Variants in NFATC2 observed in about 807,000 individuals in gnomAD.
NFATC2 encodes the protein nuclear factor of activated T-cells, cytoplasmic 2.
A neutral mutation model predicts 87.3 loss-of-function variants in NFATC2; 22 were observed. That is an observed-to-expected ratio of 0.25 (90% CI 0.18 to 0.36). NFATC2 has a LOEUF of 0.36. NFATC2 is among the 10% of genes least tolerant of loss of function. NFATC2 has a pLI of 1.00. For missense variants in NFATC2, 1,149 were observed against 1,259.1 expected, an observed-to-expected ratio of 0.91 and a Z score of 1.32; for synonymous variants, 565 against 542.2, an observed-to-expected ratio of 1.04 and a Z score of -0.58.
upstream of NFATC2, among the ~76,000 whole-genome samples, chr20:51,545,996 G>A (rs979232827): frequency 1.3e-5 from 2 of 152,142 alleles, no homozygotes; most frequent in African/African-American, 2.4e-5. Flanking sequence ...TCCACCCTGA[G>A]GCTTACCCTG....
intron 6 of NFATC2, among the ~76,000 whole-genome samples, chr20:51,442,309 G>A (rs182526876): frequency 8.5e-5 from 13 of 152,296 alleles, no homozygotes; most frequent in Admixed American, 8.5e-4. Flanking sequence ...GCACGTGCCT[G>A]TAATTCCAGC....
chr20:51,478,353 A>G (rs969172934), intron 3 of NFATC2, among the ~76,000 whole-genome samples: 1 of 152,242 alleles, frequency 6.6e-6, no homozygotes, highest in African/African-American at 2.4e-5. Context: ...GGATTTATCA[A>G]GAGTTGGTAT....
At chr20:51,529,591 G>T (rs917618397) in intron 1 of NFATC2, among the ~76,000 whole-genome samples, 1 of 152,088 alleles carries the variant, frequency 6.6e-6, no homozygotes, top group Admixed American at 6.5e-5. Flanking sequence ...ATGCCCGCAC[G>T]GCACTGGGTG....
chr20:51,495,029 G>T (rs1243276627), intron 3 of NFATC2, among the ~76,000 whole-genome samples: 1 of 152,158 alleles, frequency 6.6e-6, no homozygotes, highest in South Asian at 2.1e-4. Context: ...TCCAGGTGGG[G>T]GCAAAGTAAG....
chr20:51,490,211 TATG>T (rs2075859024), intron 3 of NFATC2, among the ~76,000 whole-genome samples: 1 of 152,238 alleles, frequency 6.6e-6, no homozygotes, highest in African/African-American at 2.4e-5. Flanking sequence ...CAATCTTCAC[TATG>T]ATATCTATCA....
chr20:51,457,043 C>A (rs752481021), intron 5 of NFATC2, among the ~76,000 whole-genome samples: 1 of 152,262 alleles, frequency 6.6e-6, no homozygotes, highest in Non-Finnish European at 1.5e-5. Flanking sequence ...GCCCCAGGGG[C>A]TGCCGGCTAC....
rs774889366 is a variant in NFATC2, at chr20:51,432,712, G to C, written c.2077C>G (p.Leu693Val). The C allele has an allele frequency of 1.3e-6, 2 of 1,587,636 alleles. No individual in the cohort carries two copies. Among genetic ancestry groups the C allele is most frequent in the African/African-American group, 1.3e-5 (1 of 74,364 alleles). The change falls in exon 9 of 11, where the codon CTG (leucine) becomes GTG (valine). Residue 693 changes from leucine to valine, a missense_variant. By Grantham distance (32) the Leu-to-Val change is conservative (BLOSUM62 1). Coordinates refer to ENST00000371564, the MANE Select transcript of NFATC2 (RefSeq NM_012340.5). The surrounding 1 kb of genome is among the most constrained non-coding windows in gnomAD (Gnocchi z 4.6). ...TEPTDEYDPT[L>V]ICSPTHGGLG... is the part of the protein sequence containing the mutation. Reference sequence around the variant, plus strand: ...CCTCCATGGGTGGGGCTGCAGATCAGAGTGGGGTCATATTCATCCGTGGGC... The same window carrying C: ...CCTCCATGGGTGGGGCTGCAGATCACAGTGGGGTCATATTCATCCGTGGGC...
chr20:51,466,549 A>G (rs1196659212), intron 5 of NFATC2, among the ~76,000 whole-genome samples: 1 of 152,092 alleles, frequency 6.6e-6, no homozygotes, highest in Admixed American at 6.5e-5. Flanking sequence ...CAGGGAAAAC[A>G]ATGGAGCTGG....
intron 10 of NFATC2, among the ~76,000 whole-genome samples, chr20:51,396,614 C>G (rs1020440282): frequency 6.6e-6 from 1 of 152,198 alleles, no homozygotes; most frequent in Non-Finnish European, 1.5e-5. Context: ...AAAGACACTC[C>G]TCAAGCTTGG....
In NFATC2 at chr20:51,523,305, C is replaced by T. The variant is rs370205461; in HGVS notation, c.936G>A (p.Thr312=). The T allele has an allele frequency of 1.2e-5, 20 of 1,613,678 alleles. 1 individual carries two copies. The highest frequency in any genetic ancestry group is 4.5e-5 in the East Asian group (2 of 44,846). The part of the protein sequence containing the change: ...VIMDALNSLA[T]DSPCGIPPKM... ...TGGGGGGGATCCCACAAGGCGAGTC[C>T]GTGGCGAGGCTGTTCAGGGCATCCA... Residue 312 remains threonine (T), a synonymous_variant, in exon 2 of 11, where the codon ACG becomes ACA. Transcript: ENST00000371564. The surrounding 1 kb of genome is among the most constrained non-coding windows in gnomAD (Gnocchi z 6.9).
intron 1 of NFATC2, among the ~76,000 whole-genome samples, chr20:51,552,673 G>T (rs1543380): frequency 0.48 from 72,880 of 151,908 alleles, 18,017 homozygotes; most frequent in African/African-American, 0.6. Flanking sequence ...CAAATCAACG[G>T]GTGGACTGTA....
rs117178682 is a variant in NFATC2, at chr20:51,552,573, G to A, written c.70+9987C>T. ...CAAGAGGGGATTGCAGCAAAAGGCC[G>A]TTAGTTGAATATGCCACCCTCCCAC... On this transcript the variant is annotated intron_variant, in intron 1 of 10. Transcript: ENST00000414705. Among the ~76,000 whole-genome samples the A allele has an allele frequency of 1.1e-3, 164 of 152,240 alleles. 1 individual carries two copies. The East Asian group carries it at 0.015, about 14-fold the overall frequency.
intron 6 of NFATC2, among the ~76,000 whole-genome samples, chr20:51,450,582 A>C (rs1985641760): frequency 6.6e-6 from 1 of 152,222 alleles, no homozygotes; most frequent in Non-Finnish European, 1.5e-5. Flanking sequence ...CCAGGAAAGA[A>C]AGACTGTCAC....
chr20:51,517,762 C>A, intron 2 of NFATC2, among the ~76,000 whole-genome samples: 1 of 151,836 alleles, frequency 6.6e-6, no homozygotes, highest in East Asian at 1.9e-4. Context: ...ACTAAAAATA[C>A]AAAAATTAGC....
At chr20:51,402,843 C>A (rs1988191336) in intron 9 of NFATC2, among the ~76,000 whole-genome samples, 1 of 152,196 alleles carries the variant, frequency 6.6e-6, no homozygotes, top group Non-Finnish European at 1.5e-5. Flanking sequence ...GGAGAAGGGG[C>A]AAAACCCCTG....
chr20:51,427,817 C>T (rs906399420), intron 9 of NFATC2, among the ~76,000 whole-genome samples: 4 of 152,222 alleles, frequency 2.6e-5, no homozygotes. Flanking sequence ...CCAAACCAGG[C>T]AGCCACCCTC....
Position 51,524,662 on chromosome 20 carries a change from G to A in NFATC2, c.131-552C>T, listed in dbSNP as rs564671385. On this transcript the variant is annotated intron_variant, in intron 1 of 10. Coordinates refer to ENST00000371564, the MANE Select transcript of NFATC2 (RefSeq NM_012340.5). This position sits in a 1 kb window ranked among gnomAD's most constrained non-coding sequence, Gnocchi z 4.0. Reference sequence around the variant, plus strand: ...GACGCAGGACACAGAGGGAGGCTGCGCAGACTCTGCAGCCCACAGTGCCCT... The same window carrying A: ...GACGCAGGACACAGAGGGAGGCTGCACAGACTCTGCAGCCCACAGTGCCCT... Among the ~76,000 whole-genome samples the A allele has an allele frequency of 5.9e-4, 90 of 152,188 alleles. No individual in the cohort carries two copies. The highest frequency in any genetic ancestry group is 1.9e-3 in the East Asian group (10 of 5,174).
At chr20:51,479,401 C>T (rs531652580) in intron 3 of NFATC2, among the ~76,000 whole-genome samples, 135 of 150,914 alleles carry the variant, frequency 8.9e-4, no homozygotes, top group African/African-American at 2.5e-3. Context: ...GTAGATCTCT[C>T]GAGCCCAGAA....
intron 6 of NFATC2, among the ~76,000 whole-genome samples, chr20:51,436,281 G>A (rs951211907): frequency 6.6e-6 from 1 of 151,598 alleles, no homozygotes; most frequent in African/African-American, 2.4e-5. Context: ...ATAAAATAAT[G>A]TTGACAGCCA....
Sources: allele counts gnomAD v4.1 joint callset (sites outside exome capture counted in the v4.1 genomes callset), GRCh38; gene constraint gnomAD v4.1.1; non-coding constraint Gnocchi (gnomAD v3.1); transcripts MANE v1.5; gene names NCBI Gene and HGNC (gene_info 2026-07-23, HGNC 2026-07-21).